FAAH2: variants seen among roughly 807,000 people sequenced by gnomAD.
The protein encoded by FAAH2 is fatty acid amide hydrolase 2.
In FAAH2, 60 loss-of-function variants were observed where a neutral mutation model predicts 36.9. That is an observed-to-expected ratio of 1.63 (90% confidence interval 1.32 to 2.02). The LOEUF (loss-of-function observed/expected upper bound fraction) is 2.02, where lower values mean the gene tolerates loss of function less well. Among genes scored for constraint, FAAH2 ranks in the 30% most tolerant of loss-of-function variants. The pLI is 0.00. For synonymous variants in FAAH2, 214 were observed against 143.8 expected, an observed-to-expected ratio of 1.49 and a Z score of -3.49; for missense variants, 689 against 397.5, an observed-to-expected ratio of 1.73 and a Z score of -6.23.
the FAAH2 span, among the ~76,000 whole-genome samples, chrX:57,177,449 T>TATA: frequency 1.8e-3 from 189 of 103,038 alleles, no homozygotes; most frequent in Middle Eastern, 5.0e-3. Context: ...ACACTTAAAG[T>TATA]ATAATAATAA....
chrX:57,468,203 A>C (rs2057087839), intron 10 of FAAH2, among the ~76,000 whole-genome samples: 1 of 111,876 alleles, frequency 8.9e-6, no homozygotes, highest in Admixed American at 9.5e-5. Flanking sequence ...TCCCCCTCCA[A>C]AGGAACGCAG....
At chrX:57,351,560 A>T (rs1386450414) in intron 5 of FAAH2, among the ~76,000 whole-genome samples, 1 of 110,712 alleles carries the variant, frequency 9.0e-6, no homozygotes, top group Non-Finnish European at 1.9e-5. Context: ...AGTTGGACAG[A>T]TAAAGAAAAT....
chrX:57,422,559 G>A, intron 7 of FAAH2, among the ~76,000 whole-genome samples: 1 of 111,665 alleles, frequency 9.0e-6, no homozygotes, highest in Non-Finnish European at 1.9e-5. Context: ...CACTGTACAC[G>A]CTGTGAAATG....
At position 57,318,488 on chromosome X, in the gene FAAH2, T is replaced by C. The variant is rs985926011; in HGVS notation, c.412+7759T>C. 2.7e-5 allele frequency among the ~76,000 whole-genome samples: 3 copies of C among 111,710 alleles called. No homozygotes were observed. The Admixed American group carries it at 2.9e-4, about 11-fold the overall frequency. On this transcript the variant is annotated intron_variant, in intron 3 of 10. Coordinates refer to ENST00000374900, the MANE Select transcript of FAAH2 (RefSeq NM_174912.4). ...GCAAACCAGGAAGAAGTCAAGTACC[T>C]GAATAGGCCAAGAATAAGTTCTGAA...
intron 4 of FAAH2, among the ~76,000 whole-genome samples, chrX:57,339,747 C>A (rs951509263): frequency 1.2e-4 from 13 of 111,913 alleles, no homozygotes; most frequent in African/African-American, 4.2e-4. Context: ...AGCCAAGGAA[C>A]AACAGATGCT....
intron 7 of FAAH2, among the ~76,000 whole-genome samples, chrX:57,382,802 G>C: frequency 9.0e-6 from 1 of 111,470 alleles, no homozygotes; most frequent in Middle Eastern, 4.7e-3. Context: ...TAGAAAAAGA[G>C]GGAATCCTCC....
chrX:57,457,763 C>A (rs1282682727), intron 10 of FAAH2, among the ~76,000 whole-genome samples: 2 of 105,136 alleles, frequency 1.9e-5, no homozygotes, highest in Admixed American at 2.1e-4. Context: ...TCTTTACAAG[C>A]AGAACTGCAA....
chrX:57,385,253 C>A (rs55818325), intron 7 of FAAH2, among the ~76,000 whole-genome samples: 3 of 95,996 alleles, frequency 3.1e-5, no homozygotes, highest in African/African-American at 1.1e-4. Flanking sequence ...ATGTTGTGCA[C>A]ATGTACCCTA....
At chrX:57,272,201 A>G in the FAAH2 span, among the ~76,000 whole-genome samples, 2 of 101,496 alleles carry the variant, frequency 2.0e-5, no homozygotes, top group African/African-American at 3.6e-5. Flanking sequence ...AAGATCAGAG[A>G]AAAAAAAAAA....
intron 10 of FAAH2, among the ~76,000 whole-genome samples, chrX:57,458,543 A>T (rs2056901475): frequency 8.9e-6 from 1 of 111,918 alleles, no homozygotes; most frequent in African/African-American, 3.3e-5. Flanking sequence ...GGATGTCGAG[A>T]TGGCTGAATA....
rs756300943 is a variant in FAAH2 at position 57,341,120 on chromosome X, A to G, written c.623-151A>G. On this transcript the variant is annotated intron_variant, in intron 4 of 10. Coordinates refer to ENST00000374900, the MANE Select transcript of FAAH2 (RefSeq NM_174912.4). ...TTCTCAAGTAATATAGATGAATAGAATAAAATTATGATCTAAATATATGCT... is the reference window on the plus strand; with the variant it reads ...TTCTCAAGTAATATAGATGAATAGAGTAAAATTATGATCTAAATATATGCT... 7 of 479,226 alleles carry G rather than the reference A, an allele frequency of 1.5e-5. No homozygotes were observed. In the African/African-American group the frequency reaches 1.7e-4, roughly 12 times the overall value. The allele number at this position is 479,226 out of a possible 1,213,427, so 39.5% of individuals were successfully genotyped here.
chrX:57,234,264 C>G, the FAAH2 span, among the ~76,000 whole-genome samples: 1 of 111,457 alleles, frequency 9.0e-6, no homozygotes, highest in Non-Finnish European at 1.9e-5. Context: ...CAGCACACCA[C>G]AGGTCTTAAT....
chrX:57,207,435 C>G, the FAAH2 span, among the ~76,000 whole-genome samples: 1 of 111,971 alleles, frequency 8.9e-6, no homozygotes, highest in African/African-American at 3.3e-5. Context: ...ATTCTTGTAT[C>G]TACCAAACCT....
At chrX:57,273,231 C>A in the FAAH2 span, among the ~76,000 whole-genome samples, 1 of 111,727 alleles carries the variant, frequency 9.0e-6, no homozygotes, top group African/African-American at 3.3e-5. Context: ...AATATATATG[C>A]ACCCAATACA....
At chrX:57,306,760 C>T (rs1471774303) in intron 2 of FAAH2, among the ~76,000 whole-genome samples, 1 of 92,732 alleles carries the variant, frequency 1.1e-5, no homozygotes, top group Non-Finnish European at 2.1e-5. Context: ...TATATGTATA[C>T]ACTATATATA....
intron 10 of FAAH2, among the ~76,000 whole-genome samples, chrX:57,479,200 T>TA (rs1372983367): frequency 9.0e-6 from 1 of 111,540 alleles, no homozygotes; most frequent in Non-Finnish European, 1.9e-5. Context: ...AAGAGGTCCT[T>TA]CACGTCCCTT....
At chrX:57,357,121 G>A (rs767804797) in intron 5 of FAAH2, among the ~76,000 whole-genome samples, 6 of 111,446 alleles carry the variant, frequency 5.4e-5, no homozygotes, top group South Asian at 3.7e-4. Flanking sequence ...TGGTAAAACC[G>A]GCTAGCCATA....
intron 5 of FAAH2, among the ~76,000 whole-genome samples, chrX:57,372,194 C>A (rs2054569280): frequency 9.0e-6 from 1 of 111,379 alleles, no homozygotes; most frequent in Non-Finnish European, 1.9e-5. Flanking sequence ...AATAGTAGTT[C>A]TATTTTTTAG....
At chrX:57,435,830 T>C (rs1481714148) in intron 8 of FAAH2, among the ~76,000 whole-genome samples, 1 of 111,334 alleles carries the variant, frequency 9.0e-6, no homozygotes, top group Non-Finnish European at 1.9e-5. Flanking sequence ...ATTTGGACTT[T>C]AGGTGCAATA....
Sources: gnomAD v4.1 joint callset for allele counts (sites outside exome capture counted in the v4.1 genomes callset) on GRCh38, gnomAD v4.1.1 for gene constraint, MANE v1.5 for transcripts, NCBI Gene and HGNC (gene_info 2026-07-23, HGNC 2026-07-21) for gene names.